Variants in GRAMD1C observed in about 807,000 individuals in gnomAD.
The protein encoded by GRAMD1C is GRAM domain containing 1C.
GRAMD1C carries 89 observed loss-of-function variants against 97.8 expected under a neutral mutation model. The observed-to-expected ratio is 0.91, with a 90% confidence interval of 0.77 to 1.09. GRAMD1C has a LOEUF of 1.09. Ranked by LOEUF, GRAMD1C falls within the 50% of genes least tolerant of loss-of-function variation. The pLI is 0.00. For missense variants in GRAMD1C, 740 were observed against 766.4 expected (o/e 0.97, Z 0.41); for synonymous variants, 256 against 267.0 (o/e 0.96, Z 0.40).
chr3:113,857,462 A>G (rs1351825511), intron 2 of GRAMD1C, among the ~76,000 whole-genome samples: 9 of 145,990 alleles, frequency 6.2e-5, no homozygotes, highest in East Asian at 4.0e-4. Context: ...TGCAAGCTCC[A>G]CCTCCCGGGT....
intron 1 of GRAMD1C, among the ~76,000 whole-genome samples, chr3:113,832,881 A>C (rs1237848893): frequency 6.6e-6 from 1 of 152,120 alleles, no homozygotes; most frequent in Non-Finnish European, 1.5e-5. Flanking sequence ...TCTCTGCCTT[A>C]GCCGAGCAAA....
chr3:113,858,535 C>T (rs1313414306), intron 2 of GRAMD1C, among the ~76,000 whole-genome samples: 3 of 151,832 alleles, frequency 2.0e-5, no homozygotes, highest in African/African-American at 7.3e-5. Context: ...GCTGAGACTA[C>T]AGGCTCACTC....
intron 2 of GRAMD1C, among the ~76,000 whole-genome samples, chr3:113,847,630 A>G (rs1028265402): frequency 5.9e-5 from 9 of 152,212 alleles, no homozygotes; most frequent in Non-Finnish European, 1.2e-4. Context: ...CCCCAAATAA[A>G]GTAGGTATTG....
intron 8 of GRAMD1C, among the ~76,000 whole-genome samples, chr3:113,907,039 T>A (rs1387182368): frequency 6.6e-6 from 1 of 152,188 alleles, no homozygotes; most frequent in Non-Finnish European, 1.5e-5. Flanking sequence ...CTCTATGACG[T>A]TGGCACAACA....
chr3:113,831,417 G>A (rs1709554916), intron 1 of GRAMD1C, among the ~76,000 whole-genome samples: 1 of 48,242 alleles, frequency 2.1e-5, no homozygotes, highest in Non-Finnish European at 4.2e-5. Context: ...ATATTGTTTT[G>A]CACCTTACTT....
intron 6 of GRAMD1C, among the ~76,000 whole-genome samples, chr3:113,892,532 G>A (rs1935774360): frequency 6.6e-6 from 1 of 152,140 alleles, no homozygotes; most frequent in Non-Finnish European, 1.5e-5. Flanking sequence ...CCAGAAAGGA[G>A]AGTTTATTTC....
intron 2 of GRAMD1C, among the ~76,000 whole-genome samples, chr3:113,855,640 G>A (rs1047598204): frequency 6.6e-6 from 1 of 151,892 alleles, no homozygotes; most frequent in African/African-American, 2.4e-5. Flanking sequence ...AGGAGATGGA[G>A]GTTGCAGTGA....
At chr3:113,893,111 T>C (rs963178701) in intron 6 of GRAMD1C, among the ~76,000 whole-genome samples, 1 of 152,190 alleles carries the variant, frequency 6.6e-6, no homozygotes, top group African/African-American at 2.4e-5. Flanking sequence ...AGTTGAGTAG[T>C]TGTGACAGAG....
intron 9 of GRAMD1C, among the ~76,000 whole-genome samples, chr3:113,912,015 C>CA (rs1936620274): frequency 6.6e-6 from 1 of 152,200 alleles, no homozygotes; most frequent in African/African-American, 2.4e-5. Flanking sequence ...GCATGAGCCA[C>CA]CGCACCTGGC....
chr3:113,876,307 C>T (rs1353933754), intron 5 of GRAMD1C, 47 bp downstream of exon 5: 1 of 968,660 alleles, frequency 1.0e-6, no homozygotes, highest in Non-Finnish European at 1.6e-6. Flanking sequence ...TGAAGAAAAT[C>T]TCCCTCATAC....
At chr3:113,844,352 T>G (rs1461810114) in intron 1 of GRAMD1C, 151 bp from the exon 2 acceptor site, 2 of 481,258 alleles carry the variant, frequency 4.2e-6, no homozygotes, top group East Asian at 7.3e-5. Context: ...CTAGATGAAC[T>G]ATTGAAGCAA....
chr3:113,883,531 A>G (rs1935338379), intron 6 of GRAMD1C, among the ~76,000 whole-genome samples: 1 of 151,994 alleles, frequency 6.6e-6, no homozygotes, highest in Admixed American at 6.6e-5. Flanking sequence ...TTTCAAAAAA[A>G]AAAAAAAAAC....
At chr3:113,933,308 A>G (rs1015116459) in intron 11 of GRAMD1C, among the ~76,000 whole-genome samples, 1 of 152,224 alleles carries the variant, frequency 6.6e-6, no homozygotes, top group Non-Finnish European at 1.5e-5. Context: ...CTGGGATTAC[A>G]GGCATAAGCC....
At chr3:113,870,114 C>A (rs1478075709) in intron 3 of GRAMD1C, among the ~76,000 whole-genome samples, 2 of 151,934 alleles carry the variant, frequency 1.3e-5, no homozygotes, top group South Asian at 2.1e-4. Context: ...GTTATCCCAG[C>A]ACATTGGGAG....
At chr3:113,865,401 C>T (rs915866647) in intron 2 of GRAMD1C, among the ~76,000 whole-genome samples, 2 of 152,074 alleles carry the variant, frequency 1.3e-5, no homozygotes, top group Admixed American at 1.3e-4. Context: ...ATGGAGTGTG[C>T]CACAGATACT....
chr3:113,829,353 T>A lies in GRAMD1C; in HGVS notation n.98+1074T>A, dbSNP rs142172803. 4.0e-3 allele frequency among the ~76,000 whole-genome samples: 616 copies of A among 152,268 alleles called. 4 individuals are homozygous for A. Among genetic ancestry groups the A allele is most frequent in the Non-Finnish European group, 6.9e-3 (468 of 68,012 alleles). On this transcript the variant is annotated intron_variant and non_coding_transcript_variant, in intron 1 of 18. Transcript: ENST00000479212. Reference sequence around the variant, plus strand: ...GCCCCAGGTACTTGGAAGGCTGAGGTGGATCACTTGAGTCCAGAAGGTTAA... The same window carrying A: ...GCCCCAGGTACTTGGAAGGCTGAGGAGGATCACTTGAGTCCAGAAGGTTAA...
chr3:113,884,862 AAG>A (rs1471284145), intron 6 of GRAMD1C, among the ~76,000 whole-genome samples: 1 of 149,738 alleles, frequency 6.7e-6, no homozygotes, highest in Non-Finnish European at 1.5e-5. Context: ...AAAAAGAAAA[AAG>A]AGAGAGGCGC....
chr3:113,863,578 C>A (rs1385496879), intron 2 of GRAMD1C, among the ~76,000 whole-genome samples: 1 of 152,080 alleles, frequency 6.6e-6, no homozygotes, highest in Non-Finnish European at 1.5e-5. Context: ...GTGAGTATAC[C>A]AAAATCACTG....
intron 3 of GRAMD1C, among the ~76,000 whole-genome samples, chr3:113,872,379 ATTCTTTTTT>A (rs1474965498): frequency 1.5e-5 from 2 of 129,548 alleles, no homozygotes; most frequent in South Asian, 2.4e-4. Flanking sequence ...AATCCACTTC[ATTCTTTTTT>A]TTCTTTTTTT....
Sources: gnomAD v4.1 joint callset for allele counts (sites outside exome capture counted in the v4.1 genomes callset) on GRCh38, gnomAD v4.1.1 for gene constraint, MANE v1.5 for transcripts, NCBI Gene and HGNC (gene_info 2026-07-23, HGNC 2026-07-21) for gene names.